Variants in ODAD2 observed in about 807,000 individuals in gnomAD.
The protein encoded by ODAD2 is outer dynein arm docking complex subunit 2, also known as outer dynein arm-docking complex subunit 2.
ODAD2 carries 89 observed loss-of-function variants against 106.8 expected under a neutral mutation model. The ratio of observed to expected loss-of-function variants is 0.83; its 90% confidence interval spans 0.70 to 0.99. The LOEUF (loss-of-function observed/expected upper bound fraction) is 0.99, where lower values mean the gene tolerates loss of function less well. Among genes scored for constraint, ODAD2 ranks in the 50% least tolerant of loss-of-function variants. The probability of loss-of-function intolerance (pLI) is 0.00; values close to 1 mark genes in which losing one functional copy is unlikely to be tolerated. For synonymous variants in ODAD2, 404 were observed against 436.2 expected (o/e 0.93, Z 0.92); for missense variants, 1,168 against 1,238.5 (o/e 0.94, Z 0.85).
chr10:27,849,613 C>T (rs966770732), intron 19 of ODAD2, among the ~76,000 whole-genome samples: 18 of 151,910 alleles, frequency 1.2e-4, no homozygotes, highest in Non-Finnish European at 2.5e-4. Flanking sequence ...CTAGAGCTCC[C>T]CATGGAAAAC....
chr10:27,975,832 CCAGA>C (rs993141941), intron 7 of ODAD2, among the ~76,000 whole-genome samples: 56 of 152,124 alleles, frequency 3.7e-4, no homozygotes, highest in Admixed American at 1.7e-3. Context: ...AATACCAAAA[CCAGA>C]CAAAGATACT....
rs181009026 is a variant in ODAD2 at position 27,924,007 on chromosome 10, A to G, written c.2495+11003T>C. Reference sequence around the variant, plus strand: ...GAAAGAAAGAAAGAAAGAAAGAAAGAAAGAAAGAAAGAAAGAAGGAAAGAG... The same window carrying G: ...GAAAGAAAGAAAGAAAGAAAGAAAGGAAGAAAGAAAGAAAGAAGGAAAGAG... On this transcript the variant is annotated intron_variant, in intron 16 of 19. Transcript: ENST00000305242. Among the ~76,000 whole-genome samples, 418 of 126,552 alleles carry G rather than the reference A, an allele frequency of 3.3e-3. 25 individuals are homozygous for G. Among genetic ancestry groups the G allele is most frequent in the African/African-American group, 0.011 (375 of 32,736 alleles). The allele number at this position is 126,552 out of a possible 152,430, so 83.0% of individuals were successfully genotyped here. A position where few individuals can be genotyped will look rare whatever the true frequency, so the allele number is the denominator to read the frequency against.
intron 17 of ODAD2, among the ~76,000 whole-genome samples, chr10:27,882,201 G>GAAAGAAAC (rs1841774474): frequency 1.3e-5 from 2 of 150,430 alleles, no homozygotes; most frequent in African/African-American, 2.4e-5. Context: ...AAGAAAGAAA[G>GAAAGAAAC]AAAGAAAGAA....
At position 27,945,401 on chromosome 10, in the gene ODAD2, G is replaced by A. The variant is rs549058578; in HGVS notation, c.1387-439C>T. 3.3e-5 allele frequency among the ~76,000 whole-genome samples: 5 copies of A among 152,322 alleles called. No homozygotes were observed. In the South Asian group the frequency reaches 8.3e-4, roughly 25 times the overall value. On this transcript the variant is annotated intron_variant, in intron 10 of 19. Coordinates refer to ENST00000305242, the MANE Select transcript of ODAD2 (RefSeq NM_018076.5). ...ACTCAGAGAAAAGGAAAACGTGCAG[G>A]AAGCAGCACCGCAATCCATACTGGA...
intron 7 of ODAD2, among the ~76,000 whole-genome samples, chr10:27,973,164 T>G (rs1276580089): frequency 3.3e-5 from 5 of 152,142 alleles, no homozygotes; most frequent in African/African-American, 4.8e-5. Context: ...ACATAGTTTA[T>G]ACAATGCTCA....
At chr10:27,861,077 G>A (rs968501625) in intron 18 of ODAD2, among the ~76,000 whole-genome samples, 7 of 152,032 alleles carry the variant, frequency 4.6e-5, no homozygotes, top group Non-Finnish European at 8.8e-5. Context: ...CTGCAAGCTC[G>A]GCCTCCTGGA....
At chr10:27,990,685 G>A (rs1023032960) in intron 2 of ODAD2, among the ~76,000 whole-genome samples, 2 of 152,178 alleles carry the variant, frequency 1.3e-5, no homozygotes, top group African/African-American at 4.8e-5. Flanking sequence ...TATAGGTTGA[G>A]TGTAACCTTA....
At chr10:27,885,524 A>AT (rs1842030062) in intron 17 of ODAD2, among the ~76,000 whole-genome samples, 4 of 15,168 alleles carry the variant, frequency 2.6e-4, no homozygotes, top group Admixed American at 2.9e-3. Flanking sequence ...AAAAAAAAAA[A>AT]AAAAAAAAAA....
intron 12 of ODAD2, among the ~76,000 whole-genome samples, chr10:27,941,682 T>C (rs926015177): frequency 6.7e-6 from 1 of 149,510 alleles, no homozygotes; most frequent in East Asian, 2.0e-4. Context: ...AAGCAGTATG[T>C]CAGGTTGCCC....
rs144204949 is a variant in ODAD2 at position 27,871,041 on chromosome 10, G to A, written c.2611-8419C>T. On this transcript the variant is annotated intron_variant, in intron 17 of 19. Transcript: ENST00000305242. ...GTTGTTTCCTGACTTTTTAATGATC[G>A]ACATTCTAACTGGTGTGAGATGGTA... Among the ~76,000 whole-genome samples, 456 of 152,174 alleles carry A rather than the reference G, an allele frequency of 3.0e-3. 1 individual carries two copies. Among genetic ancestry groups the A allele is most frequent in the East Asian group, 0.024 (124 of 5,162 alleles).
At chr10:27,838,888 G>A (rs1838103388) in intron 19 of ODAD2, among the ~76,000 whole-genome samples, 1 of 152,208 alleles carries the variant, frequency 6.6e-6, no homozygotes, top group South Asian at 2.1e-4. Context: ...CATAGCTACT[G>A]TTGAACAGAT....
At chr10:27,820,318 T>C (rs1447863345) in intron 19 of ODAD2, among the ~76,000 whole-genome samples, 1 of 151,944 alleles carries the variant, frequency 6.6e-6, no homozygotes, top group African/African-American at 2.4e-5. Context: ...GACCTGGTCA[T>C]TGTTCTGCAG....
chr10:27,984,398 T>C (rs1849748947), intron 4 of ODAD2, 108 bp from the exon 5 acceptor site: 3 of 764,428 alleles, frequency 3.9e-6, no homozygotes, highest in African/African-American at 1.7e-5. Flanking sequence ...TAATTAAAAT[T>C]GCAGTTAATT....
intron 16 of ODAD2, among the ~76,000 whole-genome samples, chr10:27,928,673 C>G (rs75359486): frequency 6.6e-6 from 1 of 152,050 alleles, no homozygotes. Context: ...ATAAGAGAAA[C>G]ACAATCAAGA....
chr10:27,993,555 C>A (rs908374710), intron 2 of ODAD2, among the ~76,000 whole-genome samples: 3 of 151,996 alleles, frequency 2.0e-5, no homozygotes, highest in African/African-American at 7.3e-5. Context: ...GAGGCTGAGG[C>A]AGGAGAATTG....
At chr10:27,945,794 C>T (rs1443355016) in intron 10 of ODAD2, among the ~76,000 whole-genome samples, 3 of 152,092 alleles carry the variant, frequency 2.0e-5, no homozygotes, top group African/African-American at 7.3e-5. Context: ...CATATTACCA[C>T]TACTGCTATT....
intron 19 of ODAD2, among the ~76,000 whole-genome samples, chr10:27,838,674 G>T (rs894705745): frequency 6.6e-6 from 1 of 152,156 alleles, no homozygotes. Flanking sequence ...CAGATTCCTC[G>T]ACTTTTTGGC....
intron 10 of ODAD2, among the ~76,000 whole-genome samples, chr10:27,959,243 A>C: frequency 8.3e-6 from 1 of 121,090 alleles, no homozygotes; most frequent in Non-Finnish European, 1.7e-5. Context: ...CGAGGAGGGG[A>C]GGAAGAAAGA....
At chr10:27,832,058 C>T (rs147018026) in intron 19 of ODAD2, among the ~76,000 whole-genome samples, 1 of 152,354 alleles carries the variant, frequency 6.6e-6, no homozygotes, top group Non-Finnish European at 1.5e-5. Context: ...ATCTTTGTAT[C>T]TTCAGGGGCT....
Sources: gnomAD v4.1 joint callset for allele counts (sites outside exome capture counted in the v4.1 genomes callset) on GRCh38, gnomAD v4.1.1 for gene constraint, MANE v1.5 for transcripts, NCBI Gene and HGNC (gene_info 2026-07-23, HGNC 2026-07-21) for gene names.